GNA12: variants seen among roughly 807,000 people sequenced by gnomAD.
The protein encoded by GNA12 is guanine nucleotide-binding protein subunit alpha-12.
In GNA12, 9 loss-of-function variants were observed where a neutral mutation model predicts 26.0. That is an observed-to-expected ratio of 0.35 (90% CI 0.21 to 0.60). GNA12 has a LOEUF of 0.60. Ranked by LOEUF, GNA12 falls within the 20% of genes least tolerant of loss-of-function variation. The pLI, the probability that GNA12 is intolerant of heterozygous loss-of-function variation, is 0.78. For synonymous variants in GNA12, 264 were observed against 219.6 expected, an observed-to-expected ratio of 1.20 and a Z score of -1.79; for missense variants, 405 against 525.8, an observed-to-expected ratio of 0.77 and a Z score of 2.25.
chr7:2,769,468 T>C (rs908177804), intron 2 of GNA12, among the ~76,000 whole-genome samples: 5 of 152,020 alleles, frequency 3.3e-5, no homozygotes, highest in Admixed American at 2.6e-4. Flanking sequence ...CGGTGGCTCA[T>C]GTCTGTAATC....
intron 1 of GNA12, among the ~76,000 whole-genome samples, chr7:2,797,526 A>G (rs1278764666): frequency 6.6e-6 from 1 of 151,976 alleles, no homozygotes; most frequent in Non-Finnish European, 1.5e-5. Context: ...TGAAGTGTAC[A>G]ACTTAATGAT....
intron 1 of GNA12, among the ~76,000 whole-genome samples, chr7:2,838,326 T>C (rs1778896987): frequency 6.7e-6 from 1 of 150,188 alleles, no homozygotes; most frequent in Admixed American, 6.7e-5. Context: ...ATGCCTATAA[T>C]CTCGGCACTT....
intron 2 of GNA12, among the ~76,000 whole-genome samples, chr7:2,738,149 G>A (rs948820040): frequency 3.9e-5 from 6 of 152,176 alleles, no homozygotes; most frequent in Non-Finnish European, 8.8e-5. Context: ...AGGACCAGGC[G>A]TGGTGGCTCA....
intron 2 of GNA12, among the ~76,000 whole-genome samples, chr7:2,754,628 G>C (rs1208296994): frequency 1.3e-4 from 19 of 151,644 alleles, no homozygotes; most frequent in Admixed American, 1.2e-3. Flanking sequence ...CGTTCCTGTA[G>C]TCCCAGCTAT....
At position 2,789,132 on chromosome 7, in the gene GNA12, CTTTTT is replaced by C. The variant is rs71026556; in HGVS notation, c.525+5791_525+5795del. Reference sequence around the variant, plus strand: ...ACCGTGCCCGGACCCCTTCAGGCATCTTTTTTTTTTTTTTTTTTTTTGAGACGGAG... The same window carrying C: ...ACCGTGCCCGGACCCCTTCAGGCATCTTTTTTTTTTTTTTTTGAGACGGAG... On this transcript the variant is annotated intron_variant, in intron 2 of 3. Coordinates refer to ENST00000275364, the MANE Select transcript of GNA12 (RefSeq NM_007353.3). Among the ~76,000 whole-genome samples, 20 of 72,832 alleles carry C rather than the reference CTTTTT, an allele frequency of 2.7e-4. 1 individual carries two copies. The highest frequency in any genetic ancestry group is 6.0e-4 in the African/African-American group (12 of 20,076). 47.8% of individuals were successfully genotyped at this position (72,832 alleles called of 152,430 possible).
At chr7:2,737,276 T>C (rs1183387378) in intron 2 of GNA12, among the ~76,000 whole-genome samples, 1 of 53,328 alleles carries the variant, frequency 1.9e-5, no homozygotes, top group Non-Finnish European at 4.3e-5. Flanking sequence ...TTTGTTTTGT[T>C]TTTTTTTTTT....
intron 2 of GNA12, among the ~76,000 whole-genome samples, chr7:2,780,985 G>C (rs1323856567): frequency 6.6e-6 from 1 of 152,230 alleles, no homozygotes; most frequent in Non-Finnish European, 1.5e-5. Flanking sequence ...GTGTATGAGA[G>C]TTCCTGTCAT....
chr7:2,737,278 T>TG lies in GNA12; in HGVS notation c.526-3778_526-3777insC, dbSNP rs1322016838. 1.1e-3 allele frequency among the ~76,000 whole-genome samples: 81 copies of TG among 71,600 alleles called. 1 individual carries two copies. Among genetic ancestry groups the TG allele is most frequent in the African/African-American group, 3.9e-3 (69 of 17,588 alleles). 47.0% of individuals were successfully genotyped at this position (71,600 alleles called of 152,430 possible). ...GCTATCTCACAGTTTTGTTTTGTTT[T>TG]TTTTTTTTTTGTTTTTTTTTTTTTT... On this transcript the variant is annotated intron_variant, in intron 2 of 3. Transcript: ENST00000275364.
At chr7:2,821,149 C>T (rs1793339096) in intron 1 of GNA12, among the ~76,000 whole-genome samples, 2 of 152,208 alleles carry the variant, frequency 1.3e-5, no homozygotes, top group South Asian at 2.1e-4. Context: ...GGTTAATGTT[C>T]TGCTTATTCT....
At chr7:2,765,616 T>G (rs1374483910) in intron 2 of GNA12, among the ~76,000 whole-genome samples, 2 of 135,970 alleles carry the variant, frequency 1.5e-5, no homozygotes, top group Non-Finnish European at 3.2e-5. Context: ...CCTGTGTTTG[T>G]TTTTTTTTTT....
chr7:2,729,445 A>T lies in GNA12; in HGVS notation c.*1736T>A, dbSNP rs906305313. 5 of 152,486 alleles carry T rather than the reference A, an allele frequency of 3.3e-5. No individual in the cohort carries two copies. Among genetic ancestry groups the T allele is most frequent in the African/African-American group, 1.2e-4 (5 of 41,464 alleles). 9.4% of individuals were successfully genotyped at this position (152,486 alleles called of 1,614,324 possible). A position where few individuals can be genotyped will look rare whatever the true frequency, so the allele number is the denominator to read the frequency against. On this transcript the variant is annotated 3_prime_UTR_variant, in exon 4 of 4. Coordinates refer to ENST00000275364, the MANE Select transcript of GNA12 (RefSeq NM_007353.3). ...AAAACAGCGACTTCTTTATCCAGCC[A>T]AAAAAGGAGCCACAAGCCCAGCAAA...
intron 1 of GNA12, among the ~76,000 whole-genome samples, chr7:2,810,827 G>T (rs373984851): frequency 6.6e-6 from 1 of 152,126 alleles, no homozygotes; most frequent in African/African-American, 2.4e-5. Context: ...GAACCCAGGA[G>T]GCAAAGGTTG....
intron 2 of GNA12, among the ~76,000 whole-genome samples, chr7:2,739,041 C>G (rs1790363405): frequency 6.6e-6 from 1 of 152,192 alleles, no homozygotes; most frequent in Non-Finnish European, 1.5e-5. Flanking sequence ...GTGGAGCAGC[C>G]TCTACAACTG....
chr7:2,773,383 CA>C (rs1791996097), intron 2 of GNA12, among the ~76,000 whole-genome samples: 1 of 152,122 alleles, frequency 6.6e-6, no homozygotes, highest in African/African-American at 2.4e-5. Context: ...GCCAACATGG[CA>C]AAACCCCTTC....
At chr7:2,830,612 G>A (rs989838906) in intron 1 of GNA12, among the ~76,000 whole-genome samples, 2 of 152,192 alleles carry the variant, frequency 1.3e-5, no homozygotes, top group Non-Finnish European at 2.9e-5. Flanking sequence ...GAGCAAAGGG[G>A]GATAAGGGAT....
chr7:2,838,922 T>C (rs772050985), intron 1 of GNA12, among the ~76,000 whole-genome samples: 1 of 152,124 alleles, frequency 6.6e-6, no homozygotes, highest in African/African-American at 2.4e-5. Flanking sequence ...AAAGAAGAAA[T>C]AGACAAATCC....
At chr7:2,745,754 T>C (rs1790734395) in intron 2 of GNA12, among the ~76,000 whole-genome samples, 1 of 152,180 alleles carries the variant, frequency 6.6e-6, no homozygotes, top group Non-Finnish European at 1.5e-5. Context: ...GACCCATCAG[T>C]GTGCTGTATT....
intron 2 of GNA12, among the ~76,000 whole-genome samples, chr7:2,740,464 C>T (rs1028210476): frequency 1.3e-5 from 2 of 152,176 alleles, no homozygotes; most frequent in Admixed American, 6.5e-5. Context: ...CCTCCCTCAC[C>T]AGAACCTGAT....
intron 1 of GNA12, among the ~76,000 whole-genome samples, chr7:2,833,955 T>C (rs1024813664): frequency 6.6e-6 from 1 of 152,202 alleles, no homozygotes; most frequent in African/African-American, 2.4e-5. Context: ...TTCCAAAATT[T>C]TTACATAATC....
Sources: gnomAD v4.1 joint callset for allele counts (sites outside exome capture counted in the v4.1 genomes callset) on GRCh38, gnomAD v4.1.1 for gene constraint, MANE v1.5 for transcripts, NCBI Gene and HGNC (gene_info 2026-07-23, HGNC 2026-07-21) for gene names.